Variants in BTK observed in about 807,000 individuals in gnomAD.
BTK encodes the protein Bruton tyrosine kinase.
BTK carries 5 observed loss-of-function variants against 57.4 expected under a neutral mutation model. The observed-to-expected ratio is 0.09, with a 90% CI of 0.05 to 0.18. BTK has a LOEUF of 0.18. BTK is among the 10% of genes least tolerant of loss of function. The pLI is 1.00. For missense variants in BTK, 194 were observed against 501.2 expected (o/e 0.39, Z 5.85); for synonymous variants, 154 against 174.3 (o/e 0.88, Z 0.92).
At chrX:101,374,724 A>C in intron 2 of BTK, 90 bp from the exon 3 acceptor site, 3 of 794,051 alleles carry the variant, frequency 3.8e-6, no homozygotes, top group Non-Finnish European at 5.7e-6. Flanking sequence ...TCATTCAACA[A>C]AGTGAGGTGG....
At chrX:101,358,094 A>G in intron 12 of BTK, 1 of 543,817 alleles carries the variant, frequency 1.8e-6, no homozygotes. Flanking sequence ...TCTTCTCTTA[A>G]CACTGAACAT....
At chrX:101,388,583 C>T (rs1459832562), upstream of BTK, among the ~76,000 whole-genome samples, 1 of 111,736 alleles carries the variant, frequency 8.9e-6, no homozygotes, top group East Asian at 2.8e-4. Flanking sequence ...CAATTAGTTC[C>T]CAAAAAGATC....
At chrX:101,372,265 A>G (rs1470607691) in intron 3 of BTK, among the ~76,000 whole-genome samples, 1 of 111,873 alleles carries the variant, frequency 8.9e-6, no homozygotes, top group African/African-American at 3.2e-5. Context: ...CATTTTCAAC[A>G]TACTTTACAG....
At chrX:101,359,497 C>T in intron 9 of BTK, 150 bp from the exon 10 acceptor site, 1 of 597,381 alleles carries the variant, frequency 1.7e-6, no homozygotes, top group Non-Finnish European at 2.8e-6. Context: ...CACACTGTAT[C>T]CCTTTCCCAA....
chrX:101,353,390 T>A, intron 17 of BTK, 39 bp from the exon 18 acceptor site: 1 of 1,160,267 alleles, frequency 8.6e-7, no homozygotes, highest in Non-Finnish European at 1.2e-6. Context: ...GTTTGCAGTC[T>A]TTTTGGATAG....
chrX:101,363,662 C>T (rs1926741627), intron 5 of BTK, among the ~76,000 whole-genome samples: 2 of 104,812 alleles, frequency 1.9e-5, no homozygotes, highest in African/African-American at 3.5e-5. Flanking sequence ...GCCGAGATCG[C>T]GCCACTGCAC....
rs906971354 is a variant in BTK, at chrX:101,349,827, A to G, written c.*58T>C. ...TCCTAAGCTTGGGATTTCCTCTGAG[A>G]AAGTGAAATTGGGGCTTGTGGAGAA... On this transcript the variant is annotated 3_prime_UTR_variant, in exon 19 of 19. Coordinates refer to ENST00000308731, the MANE Select transcript of BTK (RefSeq NM_000061.3). 10 of 1,072,937 alleles carry G rather than the reference A, an allele frequency of 9.3e-6. No homozygotes were observed. Among genetic ancestry groups the G allele is most frequent in the African/African-American group, 1.9e-5 (1 of 54,045 alleles). The allele number at this position is 1,072,937 out of a possible 1,213,427, so 88.4% of individuals were successfully genotyped here.
At chrX:101,359,210 A>G in intron 10 of BTK, 83 bp downstream of exon 10, 1 of 1,055,997 alleles carries the variant, frequency 9.5e-7, no homozygotes, top group South Asian at 1.9e-5. Context: ...GCCTTGCCCA[A>G]AGGTAGGGGG....
intron 2 of BTK, 140 bp downstream of exon 2, chrX:101,375,004 A>G: frequency 1.4e-6 from 1 of 733,499 alleles, no homozygotes; most frequent in Non-Finnish European, 2.1e-6. Context: ...AGGCTAGGAA[A>G]TATTTTGCTG....
chrX:101,369,091 G>T (rs1466079016), intron 5 of BTK, among the ~76,000 whole-genome samples: 2 of 112,347 alleles, frequency 1.8e-5, no homozygotes, highest in Admixed American at 9.5e-5. Flanking sequence ...AGCATTTACA[G>T]TCAAGTTTAT....
At chrX:101,383,129 A>G (rs1227428416) in intron 1 of BTK, among the ~76,000 whole-genome samples, 2 of 111,507 alleles carry the variant, frequency 1.8e-5, no homozygotes, top group African/African-American at 3.3e-5. Context: ...TATTCCTTCC[A>G]TTTTTTTCTG....
intron 10 of BTK, 63 bp downstream of exon 10, chrX:101,359,230 C>A: frequency 8.8e-7 from 1 of 1,136,481 alleles, no homozygotes; most frequent in Non-Finnish European, 1.2e-6. Flanking sequence ...GCAGAACAGG[C>A]CCTCAGTTCA....
intron 1 of BTK, among the ~76,000 whole-genome samples, chrX:101,384,928 G>C (rs1196193407): frequency 9.0e-6 from 1 of 111,654 alleles, no homozygotes; most frequent in Non-Finnish European, 1.9e-5. Context: ...TTTGCTCTAG[G>C]TAGGCCCTCT....
intron 1 of BTK, among the ~76,000 whole-genome samples, chrX:101,376,654 A>G (rs1184308148): frequency 9.1e-6 from 1 of 110,384 alleles, no homozygotes; most frequent in Non-Finnish European, 1.9e-5. Context: ...AACAACAACA[A>G]AAAAACACTA....
At chrX:101,374,209 T>C (rs1927132609) in intron 3 of BTK, 1 of 267,292 alleles carries the variant, frequency 3.7e-6, no homozygotes, top group Non-Finnish European at 6.7e-6. Flanking sequence ...CCTAGGATTA[T>C]GACATTCAGA....
chrX:101,352,917 T>G, intron 18 of BTK: 1 of 214,934 alleles, frequency 4.7e-6, no homozygotes, highest in Non-Finnish European at 8.0e-6. Flanking sequence ...AAAAAAAAAA[T>G]TAGCTTGGTG....
intron 1 of BTK, among the ~76,000 whole-genome samples, chrX:101,378,272 T>TG (rs1369344182): frequency 9.1e-6 from 1 of 110,296 alleles, no homozygotes; most frequent in Non-Finnish European, 1.9e-5. Flanking sequence ...TTAGTAGAGG[T>TG]GGGGTTTCCC....
chrX:101,362,672 C>T lies in BTK; in HGVS notation c.409G>A (p.Asp137Asn). The T allele has an allele frequency of 8.3e-7, 1 of 1,211,980 alleles. No individual in the cohort carries two copies. The highest frequency in any genetic ancestry group is 1.1e-6 in the Non-Finnish European group (1 of 895,519). The stretch of plus-strand genomic sequence containing the variant: ...CAAGGGTGATATTTCTGAACCAGAT[C>T]ACTGTTGTACCGGATTACTGTAGCA... ...QLKNVIRYNS[D>N]LVQKYHPCFW... The change falls in exon 6 of 19, where the codon GAT (aspartate) becomes AAT (asparagine). Residue 137 changes from aspartate to asparagine, a missense_variant. Transcript: ENST00000308731.
chrX:101,369,601 T>G (rs1222939824), intron 5 of BTK, among the ~76,000 whole-genome samples: 1 of 112,077 alleles, frequency 8.9e-6, no homozygotes, highest in Non-Finnish European at 1.9e-5. Context: ...TGGAGGTGCC[T>G]AAAATTACAA....
Sources: allele counts gnomAD v4.1 joint callset (sites outside exome capture counted in the v4.1 genomes callset), GRCh38; gene constraint gnomAD v4.1.1; transcripts MANE v1.5; gene names NCBI Gene and HGNC (gene_info 2026-07-23, HGNC 2026-07-21).